The following FALEC variants were observed in gnomAD, a reference collection of about 807,000 sequenced individuals.
The protein encoded by FALEC is focally amplified lncRNA on chromosome 1.
chr1:150,531,496 T>C, the FALEC span, among the ~76,000 whole-genome samples: 2 of 151,538 alleles, frequency 1.3e-5, no homozygotes, highest in Non-Finnish European at 2.9e-5. Context: ...AAAATACAAC[T>C]CTCACCCACA....
the FALEC span, among the ~76,000 whole-genome samples, chr1:150,535,010 C>T: frequency 2.6e-5 from 4 of 152,084 alleles, no homozygotes; most frequent in Non-Finnish European, 4.4e-5. Flanking sequence ...GTCCACGAGC[C>T]GGGGAACAGA....
At chr1:150,530,949 T>C in the FALEC span, among the ~76,000 whole-genome samples, 1 of 152,162 alleles carries the variant, frequency 6.6e-6, no homozygotes, top group African/African-American at 2.4e-5. Context: ...CACACCTCAG[T>C]TCCCTAACTG....
the FALEC span, among the ~76,000 whole-genome samples, chr1:150,527,081 A>G: frequency 6.7e-6 from 1 of 150,040 alleles, no homozygotes; most frequent in Non-Finnish European, 1.5e-5. Flanking sequence ...TTGGGACTAC[A>G]GGCACCCACC....
downstream of FALEC, among the ~76,000 whole-genome samples, chr1:150,519,182 A>G (rs969784371): frequency 6.6e-6 from 1 of 152,154 alleles, no homozygotes; most frequent in Admixed American, 6.6e-5. Context: ...AGAGGCCCCC[A>G]CAGTGCTGCT....
At chr1:150,517,151 G>A (rs1301256666) in intron 1 of FALEC, among the ~76,000 whole-genome samples, 3 of 152,050 alleles carry the variant, frequency 2.0e-5, no homozygotes, top group Non-Finnish European at 4.4e-5. Flanking sequence ...TACAAAATTA[G>A]CCAGGCATGA....
chr1:150,524,564 G>A, the FALEC span, among the ~76,000 whole-genome samples: 18 of 152,160 alleles, frequency 1.2e-4, no homozygotes, highest in Middle Eastern at 3.4e-3. Flanking sequence ...AATAAGACAA[G>A]TCAATCAAAA....
At chr1:150,521,985 C>T (rs746129840), downstream of FALEC, among the ~76,000 whole-genome samples, 1 of 152,156 alleles carries the variant, frequency 6.6e-6, no homozygotes, top group Non-Finnish European at 1.5e-5. Context: ...TGGCCCACTC[C>T]CGTAATCCCA....
the FALEC span, among the ~76,000 whole-genome samples, chr1:150,533,463 TCTCA>T: frequency 8.9e-5 from 11 of 124,198 alleles, no homozygotes; most frequent in Non-Finnish European, 1.8e-4. Flanking sequence ...TGAGATGGAG[TCTCA>T]CTCTGTTGCC....
chr1:150,530,822 CT>C, the FALEC span, among the ~76,000 whole-genome samples: 2 of 152,316 alleles, frequency 1.3e-5, no homozygotes, highest in Non-Finnish European at 2.9e-5. Context: ...AGATATCCAG[CT>C]TTTGGTTCAA....
At chr1:150,535,119 A>G in the FALEC span, among the ~76,000 whole-genome samples, 1 of 152,212 alleles carries the variant, frequency 6.6e-6, no homozygotes, top group African/African-American at 2.4e-5. Flanking sequence ...CCTCTGCTTG[A>G]GAACAATTGG....
chr1:150,522,854 T>TATATACGTATATAC (rs1560270587), downstream of FALEC, among the ~76,000 whole-genome samples: 1 of 95,972 alleles, frequency 1.0e-5, no homozygotes. Context: ...TCTCTCTCTA[T>TATATACGTATATAC]ATATATATAT....
At chr1:150,523,416 G>A in the FALEC span, among the ~76,000 whole-genome samples, 1 of 151,528 alleles carries the variant, frequency 6.6e-6, no homozygotes, top group African/African-American at 2.4e-5. Context: ...CACTTTGGGA[G>A]GCCAAAGGCA....
the FALEC span, among the ~76,000 whole-genome samples, chr1:150,535,587 A>G: frequency 1.3e-5 from 2 of 152,206 alleles, no homozygotes; most frequent in Non-Finnish European, 2.9e-5. Flanking sequence ...CAAATAGCCA[A>G]TATGTGTGTG....
downstream of FALEC, among the ~76,000 whole-genome samples, chr1:150,520,145 C>T (rs754221241): frequency 2.0e-5 from 3 of 152,046 alleles, no homozygotes; most frequent in East Asian, 1.9e-4. Context: ...AGTGAAACTC[C>T]GTCTCAAAAA....
chr1:150,523,907 G>T, the FALEC span, among the ~76,000 whole-genome samples: 2 of 152,100 alleles, frequency 1.3e-5, no homozygotes, highest in African/African-American at 4.8e-5. Context: ...AATGCGATTT[G>T]ACAACAGAAG....
the FALEC span, among the ~76,000 whole-genome samples, chr1:150,531,184 G>A: frequency 6.6e-6 from 1 of 152,262 alleles, no homozygotes; most frequent in East Asian, 1.9e-4. Flanking sequence ...ATGAACAATG[G>A]CCAGACCATA....
chr1:150,529,015 G>GAAAAAAAAAAAAAAAAAAAAAAAAA, the FALEC span, among the ~76,000 whole-genome samples: 1 of 5,958 alleles, frequency 1.7e-4, no homozygotes, highest in African/African-American at 6.7e-4. Flanking sequence ...TAAATAAATA[G>GAAAAAAAAAAAAAAAAAAAAAAAAA]CAAAAAAAAA....
chr1:150,527,892 T>C, the FALEC span, among the ~76,000 whole-genome samples: 1 of 152,036 alleles, frequency 6.6e-6, no homozygotes, highest in African/African-American at 2.4e-5. Context: ...AAAGTTTTCA[T>C]TGGTAGGAGG....
At chr1:150,520,637 A>G (rs750192360), downstream of FALEC, among the ~76,000 whole-genome samples, 5 of 152,136 alleles carry the variant, frequency 3.3e-5, no homozygotes, top group Non-Finnish European at 7.4e-5. Context: ...ATAATGCACA[A>G]TTATTTCATT....
Sources: allele counts gnomAD v4.1 joint callset (sites outside exome capture counted in the v4.1 genomes callset), GRCh38; gene constraint gnomAD v4.1.1; transcripts MANE v1.5; gene names NCBI Gene and HGNC (gene_info 2026-07-23, HGNC 2026-07-21).